Variants in THSD7A observed in about 807,000 individuals in gnomAD.
THSD7A encodes the protein thrombospondin type 1 domain containing 7A, also known as thrombospondin type-1 domain-containing protein 7A.
In THSD7A, 96 loss-of-function variants were observed where a neutral mutation model predicts 231.3. That is an observed-to-expected ratio of 0.41 (90% CI 0.35 to 0.49). The LOEUF is 0.49. Among genes scored for constraint, THSD7A ranks in the 20% least tolerant of loss-of-function variants. The pLI is 0.05. For synonymous variants in THSD7A, 940 were observed against 743.3 expected (o/e 1.26, Z -4.30); for missense variants, 2,290 against 2,070.2 (o/e 1.11, Z -2.06).
chr7:11,381,183 C>T (rs145262760), intron 24 of THSD7A, among the ~76,000 whole-genome samples: 143 of 152,302 alleles, frequency 9.4e-4, no homozygotes, highest in African/African-American at 3.2e-3. Flanking sequence ...GGACTCTTCT[C>T]ACTCCATACC....
chr7:11,600,013 C>G lies in THSD7A; in HGVS notation c.1023-6511G>C, dbSNP rs143380419. Among the ~76,000 whole-genome samples the G allele has an allele frequency of 7.2e-5, 11 of 152,048 alleles. No individual in the cohort carries two copies. The East Asian group carries it at 2.1e-3, about 29-fold the overall frequency. On this transcript the variant is annotated intron_variant, in intron 2 of 27. Transcript: ENST00000423059. The stretch of plus-strand genomic sequence containing the variant: ...GCTTCCTACCCTCGAACATCAGACT[C>G]CAAGTTTTTCAGTTTTGGGACTCGG...
At position 11,636,960 on chromosome 7, in the gene THSD7A, A is replaced by T. The variant is rs758051095; in HGVS notation, c.192T>A (p.Gly64=). ...EAPTLYLWKT[G]PWGRCMGDEC... ...CATCTCCCATACATCGGCCCCATGG[A>T]CCTACAAAAATTATAACACAAAAAT... The change falls in exon 2 of 28, where the codon GGT becomes GGA. Residue 64 remains glycine (G), a splice_region_variant and synonymous_variant. Coordinates refer to ENST00000423059, the MANE Select transcript of THSD7A (RefSeq NM_015204.3). The surrounding 1 kb of genome is among the most constrained non-coding windows in gnomAD (Gnocchi z 10.0). The T allele has an allele frequency of 3.1e-6, 5 of 1,595,996 alleles. No homozygotes were observed. Among genetic ancestry groups the T allele is most frequent in the Non-Finnish European group, 4.3e-6 (5 of 1,172,852 alleles).
Position 11,590,669 on chromosome 7 carries a change from A to G in THSD7A, c.1272-28T>C, listed in dbSNP as rs769838496. On this transcript the variant is annotated intron_variant, in intron 3 of 27. Coordinates refer to ENST00000423059, the MANE Select transcript of THSD7A (RefSeq NM_015204.3). The surrounding 1 kb of genome is among the most constrained non-coding windows in gnomAD (Gnocchi z 4.4). ...AAATAAAGACAACACCACCAGCAGC[A>G]ACCATAATTATTGAATGACGTGTTT... 1 of 1,571,068 alleles carries G rather than the reference A, an allele frequency of 6.4e-7. No individual in the cohort carries two copies. The highest frequency in any genetic ancestry group is 1.2e-5 in the South Asian group (1 of 84,988).
intron 1 of THSD7A, among the ~76,000 whole-genome samples, chr7:11,811,180 T>C (rs1784519433): frequency 6.6e-6 from 1 of 152,132 alleles, no homozygotes; most frequent in South Asian, 2.1e-4. Flanking sequence ...CAGACTTTGA[T>C]TAAGAAAACA....
chr7:11,561,829 C>A lies in THSD7A; in HGVS notation c.1454-18712G>T, dbSNP rs566134967. On this transcript the variant is annotated intron_variant, in intron 4 of 27. Coordinates refer to ENST00000423059, the MANE Select transcript of THSD7A (RefSeq NM_015204.3). ...TCACAGCACTGCATTCCAGCTTGGG[C>A]AACAGAGCAACTCTGTGTCAAAAAA... 1.3e-4 allele frequency among the ~76,000 whole-genome samples: 20 copies of A among 151,870 alleles called. No homozygotes were observed. The South Asian group carries it at 4.2e-3, about 32-fold the overall frequency.
intron 1 of THSD7A, among the ~76,000 whole-genome samples, chr7:11,725,314 A>C: frequency 6.6e-6 from 1 of 151,962 alleles, no homozygotes. Flanking sequence ...CTTTAGTAGA[A>C]ACTTACATTG....
rs536442387 is a variant in THSD7A at position 11,660,559 on chromosome 7, C to A, written c.191-23598G>T. Among the ~76,000 whole-genome samples the A allele has an allele frequency of 9.1e-4, 138 of 151,176 alleles. 1 individual carries two copies. The highest frequency in any genetic ancestry group is 3.2e-3 in the African/African-American group (131 of 41,390). On this transcript the variant is annotated intron_variant, in intron 1 of 27. Coordinates refer to ENST00000423059, the MANE Select transcript of THSD7A (RefSeq NM_015204.3). ...ATAATAAAATATACAGAAACACATA[C>A]AAATGTATATATGATAAAAGTGATA...
At chr7:11,405,324 T>G (rs1783546798) in intron 22 of THSD7A, among the ~76,000 whole-genome samples, 1 of 152,162 alleles carries the variant, frequency 6.6e-6, no homozygotes. Context: ...GAAAATGTGT[T>G]TTATGCCCCA....
intron 27 of THSD7A, 121 bp from the exon 28 acceptor site, chr7:11,375,999 G>T: frequency 1.2e-6 from 1 of 810,076 alleles, no homozygotes; most frequent in Non-Finnish European, 2.0e-6. Flanking sequence ...TGCCTGCGTT[G>T]CCTAAAGTCT....
intron 4 of THSD7A, among the ~76,000 whole-genome samples, chr7:11,588,973 T>A (rs1780039931): frequency 6.6e-6 from 1 of 152,238 alleles, no homozygotes; most frequent in Non-Finnish European, 1.5e-5. Flanking sequence ...AATTAAATTT[T>A]GAAAGTTGCA....
At chr7:11,558,126 G>T (rs1203177875) in intron 4 of THSD7A, among the ~76,000 whole-genome samples, 1 of 152,104 alleles carries the variant, frequency 6.6e-6, no homozygotes, top group African/African-American at 2.4e-5. Flanking sequence ...CCAACCTTGA[G>T]ATGTGGGAGG....
At chr7:11,753,124 T>C (rs1486359839) in intron 1 of THSD7A, among the ~76,000 whole-genome samples, 1 of 152,130 alleles carries the variant, frequency 6.6e-6, no homozygotes, top group Non-Finnish European at 1.5e-5. Context: ...ATGTGTATAA[T>C]TCAAAATATC....
At chr7:11,780,467 T>C (rs1044889803) in intron 1 of THSD7A, among the ~76,000 whole-genome samples, 1 of 152,162 alleles carries the variant, frequency 6.6e-6, no homozygotes, top group African/African-American at 2.4e-5. Flanking sequence ...TTGAGTTTAC[T>C]CAAGCAGCCC....
At chr7:11,519,241 A>T (rs895908986) in intron 6 of THSD7A, among the ~76,000 whole-genome samples, 5 of 152,338 alleles carry the variant, frequency 3.3e-5, no homozygotes, top group South Asian at 2.1e-4. Context: ...GAGCACTGCC[A>T]GCAGCCCTGA....
intron 6 of THSD7A, among the ~76,000 whole-genome samples, chr7:11,518,620 C>CAT (rs3086979): frequency 4.1e-4 from 62 of 151,638 alleles, no homozygotes; most frequent in Middle Eastern, 3.4e-3. Context: ...CACACACACA[C>CAT]GCACACACAG....
intron 6 of THSD7A, among the ~76,000 whole-genome samples, chr7:11,515,686 G>A (rs961018898): frequency 6.6e-6 from 1 of 152,046 alleles, no homozygotes; most frequent in Non-Finnish European, 1.5e-5. Context: ...CTTGTGATGG[G>A]GAGAAAAGAC....
intron 22 of THSD7A, among the ~76,000 whole-genome samples, chr7:11,405,275 C>G (rs1783545204): frequency 6.6e-6 from 1 of 151,402 alleles, no homozygotes; most frequent in South Asian, 2.1e-4. Flanking sequence ...TATATGTTAT[C>G]CACTTTTAAA....
intron 1 of THSD7A, among the ~76,000 whole-genome samples, chr7:11,642,839 T>G (rs1782136238): frequency 6.6e-6 from 1 of 152,132 alleles, no homozygotes; most frequent in Non-Finnish European, 1.5e-5. Context: ...GTGCCTATCC[T>G]CTTGATATCG....
intron 4 of THSD7A, among the ~76,000 whole-genome samples, chr7:11,576,145 T>C (rs1014114716): frequency 1.3e-5 from 2 of 152,218 alleles, no homozygotes; most frequent in Non-Finnish European, 2.9e-5. Flanking sequence ...ATCCTTGTTA[T>C]ATTCATTATT....
Sources: gnomAD v4.1 joint callset for allele counts (sites outside exome capture counted in the v4.1 genomes callset) on GRCh38, gnomAD v4.1.1 for gene constraint, Gnocchi (gnomAD v3.1) non-coding constraint, MANE v1.5 for transcripts, NCBI Gene and HGNC (gene_info 2026-07-23, HGNC 2026-07-21) for gene names.